Variants in CTNND2 observed in about 807,000 individuals in gnomAD.
The protein encoded by CTNND2 is catenin delta 2.
A neutral mutation model predicts 144.4 loss-of-function variants in CTNND2; 22 were observed. The observed-to-expected ratio is 0.15, with a 90% CI of 0.11 to 0.22. The LOEUF (loss-of-function observed/expected upper bound fraction) is 0.22. Ranked by LOEUF, CTNND2 falls within the 10% of genes least tolerant of loss-of-function variation. The probability of loss-of-function intolerance (pLI) is 1.00; values close to 1 mark genes in which losing one functional copy is unlikely to be tolerated. For synonymous variants in CTNND2, 751 were observed against 695.6 expected (o/e 1.08, Z -1.25); for missense variants, 1,353 against 1,618.8 (o/e 0.84, Z 2.82).
intron 16 of CTNND2, among the ~76,000 whole-genome samples, chr5:11,024,856 C>T (rs1279090051): frequency 6.6e-6 from 1 of 152,100 alleles, no homozygotes; most frequent in Non-Finnish European, 1.5e-5. Context: ...TGCGGGTCTC[C>T]CTGTAATGTT....
At chr5:11,419,060 A>G (rs1762146707) in intron 3 of CTNND2, among the ~76,000 whole-genome samples, 1 of 128,524 alleles carries the variant, frequency 7.8e-6, no homozygotes, top group African/African-American at 4.0e-5. Context: ...ATCTATATAG[A>G]TATATATATA....
chr5:11,531,556 G>A (rs931628936), intron 3 of CTNND2, among the ~76,000 whole-genome samples: 7 of 152,126 alleles, frequency 4.6e-5, no homozygotes, highest in African/African-American at 1.2e-4. Flanking sequence ...AACCCGGGAG[G>A]CAGAGATTAC....
chr5:11,415,259 G>C (rs1246880672), intron 3 of CTNND2, among the ~76,000 whole-genome samples: 4 of 151,968 alleles, frequency 2.6e-5, no homozygotes, highest in African/African-American at 9.7e-5. Flanking sequence ...ATTATTTTTT[G>C]ACTTTTTAAT....
chr5:11,656,776 A>C (rs889880640), intron 2 of CTNND2, among the ~76,000 whole-genome samples: 11 of 152,138 alleles, frequency 7.2e-5, no homozygotes, highest in African/African-American at 2.7e-4. Flanking sequence ...AAAACAGTCC[A>C]TCCCAAAAAT....
intron 2 of CTNND2, among the ~76,000 whole-genome samples, chr5:11,670,566 G>A (rs1449701165): frequency 6.6e-6 from 1 of 152,160 alleles, no homozygotes; most frequent in East Asian, 1.9e-4. Flanking sequence ...GACAAGACTA[G>A]GATTGCAAGC....
At chr5:11,714,866 T>A (rs1361494318) in intron 2 of CTNND2, among the ~76,000 whole-genome samples, 1 of 147,512 alleles carries the variant, frequency 6.8e-6, no homozygotes, top group Non-Finnish European at 1.5e-5. Flanking sequence ...TGAGCCGAGA[T>A]CCCACCACTG....
At chr5:11,667,215 C>G in intron 2 of CTNND2, among the ~76,000 whole-genome samples, 1 of 152,040 alleles carries the variant, frequency 6.6e-6, no homozygotes, top group East Asian at 1.9e-4. Context: ...TGAACAGTGC[C>G]GCAATAAACA....
intron 1 of CTNND2, among the ~76,000 whole-genome samples, chr5:11,802,100 C>T (rs1791718022): frequency 6.6e-6 from 1 of 151,830 alleles, no homozygotes; most frequent in African/African-American, 2.4e-5. Context: ...TGGTGAAACC[C>T]CATCTCTACT....
rs528432022 is a variant in CTNND2 at position 11,512,297 on chromosome 5, T to C, written c.287+52647A>G. On this transcript the variant is annotated intron_variant, in intron 3 of 21. Coordinates refer to ENST00000304623, the MANE Select transcript of CTNND2 (RefSeq NM_001332.4). Reference sequence around the variant, plus strand: ...TTCAGTCCTCAAATCCTATAAATTGTGCGGTTAGTCCTGCTTCTCTATAAT... The same window carrying C: ...TTCAGTCCTCAAATCCTATAAATTGCGCGGTTAGTCCTGCTTCTCTATAAT... Among the ~76,000 whole-genome samples, 5 of 152,358 alleles carry C rather than the reference T, an allele frequency of 3.3e-5. No individual in the cohort carries two copies. In the South Asian group the frequency reaches 1.0e-3, roughly 32 times the overall value.
chr5:11,451,361 C>G (rs889499920), intron 3 of CTNND2, among the ~76,000 whole-genome samples: 1 of 152,120 alleles, frequency 6.6e-6, no homozygotes, highest in African/African-American at 2.4e-5. Flanking sequence ...TAAAACCAAA[C>G]CAACCACAAT....
At chr5:11,365,253 G>T (rs867038457) in intron 7 of CTNND2, among the ~76,000 whole-genome samples, 5 of 152,182 alleles carry the variant, frequency 3.3e-5, no homozygotes, top group Admixed American at 1.3e-4. Flanking sequence ...CATAGCCCTT[G>T]CACCTTAAAT....
At position 11,116,211 on chromosome 5, in the gene CTNND2, G is replaced by A. The variant is rs558037909; in HGVS notation, c.2277+1239C>T. Among the ~76,000 whole-genome samples the A allele has an allele frequency of 8.5e-5, 13 of 152,296 alleles. No homozygotes were observed. The South Asian group carries it at 2.7e-3, about 32-fold the overall frequency. ...ATAAAGAGTCAGAATGAAAACCATA[G>A]GATTAAGGTCACGGTTCATAACCAG... On this transcript the variant is annotated intron_variant, in intron 13 of 21. Transcript: ENST00000304623.
intron 11 of CTNND2, among the ~76,000 whole-genome samples, chr5:11,160,576 CTT>C (rs1170663540): frequency 6.6e-6 from 1 of 151,940 alleles, no homozygotes; most frequent in Non-Finnish European, 1.5e-5. Flanking sequence ...AATAATTATT[CTT>C]TTTTTGTTAG....
At chr5:11,383,256 C>T (rs781046972) in intron 7 of CTNND2, among the ~76,000 whole-genome samples, 5 of 152,104 alleles carry the variant, frequency 3.3e-5, no homozygotes, top group Admixed American at 6.5e-5. Flanking sequence ...TGTGGTGGTG[C>T]GCATGGCTGA....
chr5:11,749,913 G>A (rs1788519745), intron 1 of CTNND2, among the ~76,000 whole-genome samples: 1 of 151,882 alleles, frequency 6.6e-6, no homozygotes, highest in African/African-American at 2.4e-5. Context: ...CTCTTAATGA[G>A]TGCATATCAT....
chr5:11,540,168 T>C (rs1207205266), intron 3 of CTNND2, among the ~76,000 whole-genome samples: 6 of 152,236 alleles, frequency 3.9e-5, no homozygotes, highest in Admixed American at 2.0e-4. Flanking sequence ...GGACGCCCTA[T>C]ACAACCCGAC....
Position 11,534,824 on chromosome 5 carries a change from T to C in CTNND2, c.287+30120A>G, listed in dbSNP as rs1466357357. On this transcript the variant is annotated intron_variant, in intron 3 of 21. Transcript: ENST00000304623. The stretch of plus-strand genomic sequence containing the variant: ...TAAGTTAGTTTTTCCTCGAAGACTT[T>C]GCTGACAATCCATTCTCTCTGCTCT... Among the ~76,000 whole-genome samples, 3 of 152,184 alleles carry C rather than the reference T, an allele frequency of 2.0e-5. No individual in the cohort carries two copies. The East Asian group carries it at 5.8e-4, about 29-fold the overall frequency.
intron 7 of CTNND2, among the ~76,000 whole-genome samples, chr5:11,371,866 G>A (rs774380031): frequency 2.0e-5 from 3 of 152,098 alleles, no homozygotes; most frequent in Non-Finnish European, 4.4e-5. Context: ...AGATAAAATT[G>A]CACTGAAACC....
chr5:11,136,070 G>A (rs1756116150), intron 12 of CTNND2, among the ~76,000 whole-genome samples: 1 of 152,174 alleles, frequency 6.6e-6, no homozygotes, highest in Non-Finnish European at 1.5e-5. Context: ...GAGTCTGTTA[G>A]CCTCTTCCAC....
Sources: gnomAD v4.1 joint callset for allele counts (sites outside exome capture counted in the v4.1 genomes callset) on GRCh38, gnomAD v4.1.1 for gene constraint, MANE v1.5 for transcripts, NCBI Gene and HGNC (gene_info 2026-07-23, HGNC 2026-07-21) for gene names.